ESRRG: variants seen among roughly 807,000 people sequenced by gnomAD.
ESRRG encodes the protein estrogen related receptor gamma.
A neutral mutation model predicts 44.0 loss-of-function variants in ESRRG; 13 were observed. The observed-to-expected ratio is 0.30, with a 90% CI of 0.19 to 0.47. The LOEUF is 0.47. Ranked by LOEUF, ESRRG falls within the 20% of genes least tolerant of loss-of-function variation. The pLI is 1.00. For synonymous variants in ESRRG, 215 were observed against 214.6 expected, an observed-to-expected ratio of 1.00 and a Z score of -0.02; for missense variants, 395 against 580.6, an observed-to-expected ratio of 0.68 and a Z score of 3.29.
intron 1 of ESRRG, among the ~76,000 whole-genome samples, chr1:217,128,567 G>A (rs1315058472): frequency 6.6e-6 from 1 of 151,972 alleles, no homozygotes; most frequent in Admixed American, 6.6e-5. Context: ...GAAATTTCTT[G>A]GTAGATGAAT....
At chr1:216,639,203 T>C (rs1374438995) in intron 3 of ESRRG, among the ~76,000 whole-genome samples, 6 of 152,018 alleles carry the variant, frequency 3.9e-5, no homozygotes, top group African/African-American at 1.2e-4. Flanking sequence ...GGTAATTCAG[T>C]AGGGTTGTGA....
At chr1:217,124,405 C>G (rs1281555522) in intron 1 of ESRRG, among the ~76,000 whole-genome samples, 1 of 152,176 alleles carries the variant, frequency 6.6e-6, no homozygotes, top group African/African-American at 2.4e-5. Flanking sequence ...GCATGTGTGG[C>G]AAGACCTGCT....
chr1:216,917,475 A>G (rs541845861), intron 2 of ESRRG, among the ~76,000 whole-genome samples: 1 of 152,308 alleles, frequency 6.6e-6, no homozygotes, highest in African/African-American at 2.4e-5. Context: ...TTTTATAGAG[A>G]TCTCACAGTT....
chr1:216,652,681 G>T (rs2069297056), intron 2 of ESRRG, among the ~76,000 whole-genome samples: 1 of 152,056 alleles, frequency 6.6e-6, no homozygotes, highest in South Asian at 2.1e-4. Context: ...TATACTCTTA[G>T]AAAACCAAGG....
At chr1:216,702,044 C>A (rs958297156) in intron 1 of ESRRG, among the ~76,000 whole-genome samples, 1 of 152,102 alleles carries the variant, frequency 6.6e-6, no homozygotes. Context: ...CTAGACTTAC[C>A]AATTTGCTAG....
intron 2 of ESRRG, among the ~76,000 whole-genome samples, chr1:216,823,676 T>C (rs2095340280): frequency 6.6e-6 from 1 of 152,182 alleles, no homozygotes; most frequent in African/African-American, 2.4e-5. Flanking sequence ...CTTTCAGGTT[T>C]TCTAATTCGA....
chr1:216,741,427 C>A (rs371645206), intron 2 of ESRRG, among the ~76,000 whole-genome samples: 4 of 150,202 alleles, frequency 2.7e-5, no homozygotes, highest in African/African-American at 9.8e-5. Context: ...AACACTCCCC[C>A]CCGCCCCTGC....
At chr1:217,087,137 A>G (rs2092129178) in intron 1 of ESRRG, among the ~76,000 whole-genome samples, 1 of 152,200 alleles carries the variant, frequency 6.6e-6, no homozygotes, top group South Asian at 2.1e-4. Flanking sequence ...ATCCATTTCA[A>G]ACATAAGCCC....
At chr1:217,118,138 AC>A (rs1470208739) in intron 1 of ESRRG, among the ~76,000 whole-genome samples, 1 of 152,194 alleles carries the variant, frequency 6.6e-6, no homozygotes, top group East Asian at 1.9e-4. Flanking sequence ...TATACTACTC[AC>A]CCCTTCATCC....
intron 2 of ESRRG, among the ~76,000 whole-genome samples, chr1:216,653,068 G>T (rs901188882): frequency 3.6e-4 from 55 of 152,130 alleles, no homozygotes; most frequent in African/African-American, 1.3e-3. Context: ...CCTTATCAAG[G>T]CATGAGTGCT....
intron 1 of ESRRG, among the ~76,000 whole-genome samples, chr1:216,690,077 A>G (rs764968847): frequency 2.6e-5 from 4 of 152,124 alleles, no homozygotes; most frequent in Non-Finnish European, 5.9e-5. Flanking sequence ...AATGGACACC[A>G]TAACACAGCA....
chr1:217,027,527 C>T (rs1441168556), intron 1 of ESRRG, among the ~76,000 whole-genome samples: 1 of 152,092 alleles, frequency 6.6e-6, no homozygotes, highest in Non-Finnish European at 1.5e-5. Context: ...GTTAGCAACA[C>T]AATTATGTTG....
At chr1:216,516,394 T>C (rs566351973) in intron 6 of ESRRG, among the ~76,000 whole-genome samples, 3 of 152,112 alleles carry the variant, frequency 2.0e-5, no homozygotes, top group African/African-American at 7.2e-5. Flanking sequence ...GCTATAAAAA[T>C]ATGAAAGCCA....
chr1:216,752,328 T>C (rs143032317), intron 2 of ESRRG, among the ~76,000 whole-genome samples: 1 of 152,068 alleles, frequency 6.6e-6, no homozygotes, highest in Non-Finnish European at 1.5e-5. Context: ...GTTCTATCAA[T>C]GGAAATTACG....
chr1:216,852,208 C>A (rs2095853009), intron 2 of ESRRG, among the ~76,000 whole-genome samples: 1 of 152,148 alleles, frequency 6.6e-6, no homozygotes, highest in Non-Finnish European at 1.5e-5. Context: ...TCATCACCAC[C>A]TTTAAAGAGA....
intron 2 of ESRRG, among the ~76,000 whole-genome samples, chr1:216,749,734 C>A (rs2091819199): frequency 6.6e-6 from 1 of 152,100 alleles, no homozygotes; most frequent in Non-Finnish European, 1.5e-5. Flanking sequence ...AGATCGAAAT[C>A]ATTACTGGGA....
rs148184513 is a variant in ESRRG at position 216,643,845 on chromosome 1, T to G, written c.589+7128A>C. On this transcript the variant is annotated intron_variant, in intron 3 of 6. Transcript: ENST00000408911. ...AACCCCTTGTTAGACTCATAAACTC[T>G]GCTGCTTATTGGGATTTCCAGGACT... Among the ~76,000 whole-genome samples the G allele has an allele frequency of 4.3e-3, 660 of 152,286 alleles. 8 individuals are homozygous for G. Among genetic ancestry groups the G allele is most frequent in the African/African-American group, 0.015 (632 of 41,558 alleles).
intron 1 of ESRRG, among the ~76,000 whole-genome samples, chr1:216,988,455 C>T (rs1361885023): frequency 6.6e-6 from 1 of 152,178 alleles, no homozygotes; most frequent in Non-Finnish European, 1.5e-5. Context: ...AACTCAGCAG[C>T]AAAACTCACT....
intron 2 of ESRRG, among the ~76,000 whole-genome samples, chr1:216,913,046 C>T (rs764932936): frequency 6.7e-6 from 1 of 149,934 alleles, no homozygotes; most frequent in Non-Finnish European, 1.5e-5. Context: ...TCACTTGAAC[C>T]CCAGGGTGTG....
Sources: gnomAD v4.1 joint callset for allele counts (sites outside exome capture counted in the v4.1 genomes callset) on GRCh38, gnomAD v4.1.1 for gene constraint, MANE v1.5 for transcripts, NCBI Gene and HGNC (gene_info 2026-07-23, HGNC 2026-07-21) for gene names.